EPHB2: variants seen among roughly 807,000 people sequenced by gnomAD.
EPHB2 encodes the protein EPH receptor B2, also known as ephrin type-B receptor 2.
EPHB2 carries 18 observed loss-of-function variants against 96.4 expected under a neutral mutation model. That is an observed-to-expected ratio of 0.19 (90% CI 0.13 to 0.28). The LOEUF (loss-of-function observed/expected upper bound fraction) is 0.28. EPHB2 is among the 10% of genes least tolerant of loss of function. The probability of loss-of-function intolerance (pLI) is 1.00; values close to 1 mark genes in which losing one functional copy is unlikely to be tolerated. For missense variants in EPHB2, 989 were observed against 1,355.4 expected (o/e 0.73, Z 4.25); for synonymous variants, 506 against 534.1 (o/e 0.95, Z 0.72).
At chr1:22,910,992 A>T (rs1041831707) in intron 14 of EPHB2, among the ~76,000 whole-genome samples, 2 of 152,080 alleles carry the variant, frequency 1.3e-5, no homozygotes, top group African/African-American at 4.8e-5. Context: ...TATAAAAATT[A>T]GCCAGCCCCT....
At chr1:22,838,670 T>A in intron 3 of EPHB2, among the ~76,000 whole-genome samples, 1 of 152,192 alleles carries the variant, frequency 6.6e-6, no homozygotes, top group Non-Finnish European at 1.5e-5. Flanking sequence ...GGCTCACGCC[T>A]GTAATCCCAG....
At chr1:22,873,418 G>A (rs755737141) in intron 5 of EPHB2, among the ~76,000 whole-genome samples, 1 of 152,188 alleles carries the variant, frequency 6.6e-6, no homozygotes, top group South Asian at 2.1e-4. Flanking sequence ...AAGGCAGCAG[G>A]CAGACACTCG....
chr1:22,783,038 C>T (rs1288433147), intron 2 of EPHB2, among the ~76,000 whole-genome samples: 1 of 152,144 alleles, frequency 6.6e-6, no homozygotes, highest in Non-Finnish European at 1.5e-5. Flanking sequence ...ACTGGAGGCC[C>T]AGGAGGGAGA....
chr1:22,915,998 AG>A lies in EPHB2; in HGVS notation c.*2431del, dbSNP rs1640256517. On this transcript the variant is annotated 3_prime_UTR_variant, in exon 16 of 16. Coordinates refer to ENST00000374630, the MANE Select transcript of EPHB2 (RefSeq NM_017449.5). ...CCTGTTCCGGGAGCCTGAGCTGCAA[AG>A]GGAAGGAAGGGATTAGAGAGAAGTG... is the stretch of plus-strand genomic sequence containing the variant. 6.6e-6 allele frequency: 1 copy of A among 152,406 alleles called. No homozygotes were observed. Among genetic ancestry groups the A allele is most frequent in the African/African-American group, 2.4e-5 (1 of 41,458 alleles). The allele number at this position is 152,406 out of a possible 1,614,324, so 9.4% of individuals were successfully genotyped here.
intron 7 of EPHB2, among the ~76,000 whole-genome samples, chr1:22,894,552 G>A (rs113457098): frequency 0.016 from 2,457 of 151,048 alleles, 60 homozygotes; most frequent in African/African-American, 0.056. Flanking sequence ...AGCCGAGATC[G>A]TGCCATTTCA....
intron 2 of EPHB2, among the ~76,000 whole-genome samples, chr1:22,781,792 C>T (rs150433741): frequency 7.9e-5 from 12 of 152,242 alleles, no homozygotes; most frequent in South Asian, 6.2e-4. Context: ...AGTGAACTGT[C>T]GTTTCCTGAG....
chr1:22,760,994 T>C (rs2148394422), intron 1 of EPHB2, among the ~76,000 whole-genome samples: 1 of 152,312 alleles, frequency 6.6e-6, no homozygotes, highest in South Asian at 2.1e-4. Context: ...AGCCAGGTGA[T>C]GCCAGCTGTC....
intron 3 of EPHB2, among the ~76,000 whole-genome samples, chr1:22,814,124 C>T (rs546517410): frequency 1.3e-5 from 2 of 152,064 alleles, no homozygotes; most frequent in Admixed American, 6.5e-5. Context: ...GAGCCGAGAT[C>T]GCGCCATTGC....
chr1:22,767,503 A>G (rs976950641), intron 1 of EPHB2, among the ~76,000 whole-genome samples: 2 of 152,188 alleles, frequency 1.3e-5, no homozygotes, highest in African/African-American at 4.8e-5. Context: ...AATGGGGACA[A>G]TGATCCATCC....
intron 3 of EPHB2, among the ~76,000 whole-genome samples, chr1:22,853,068 C>T (rs537895558): frequency 2.6e-5 from 4 of 152,306 alleles, no homozygotes; most frequent in African/African-American, 7.2e-5. Flanking sequence ...TTCCGCCTTT[C>T]GGCCGGGCAC....
intron 1 of EPHB2, among the ~76,000 whole-genome samples, chr1:22,763,489 G>GT (rs905803789): frequency 1.3e-5 from 2 of 152,006 alleles, no homozygotes; most frequent in African/African-American, 4.8e-5. Flanking sequence ...TGGAGGTGGG[G>GT]TGGCTCCCCT....
At chr1:22,807,899 C>T (rs1396313979) in intron 3 of EPHB2, among the ~76,000 whole-genome samples, 1 of 152,122 alleles carries the variant, frequency 6.6e-6, no homozygotes, top group East Asian at 1.9e-4. Flanking sequence ...TTTAGGAGGC[C>T]GAGGCAGGCG....
chr1:22,856,837 G>A (rs1645706883), intron 3 of EPHB2, among the ~76,000 whole-genome samples: 1 of 152,216 alleles, frequency 6.6e-6, no homozygotes, highest in Non-Finnish European at 1.5e-5. Flanking sequence ...CATGCTGGAT[G>A]AGTAATAATA....
chr1:22,859,303 G>GA (rs1557717565), intron 3 of EPHB2, among the ~76,000 whole-genome samples: 2 of 150,740 alleles, frequency 1.3e-5, no homozygotes, highest in Non-Finnish European at 3.0e-5. Context: ...CTGGTGGGGG[G>GA]GGGGGTATTG....
intron 1 of EPHB2, among the ~76,000 whole-genome samples, chr1:22,760,285 T>C (rs1231202636): frequency 6.6e-6 from 1 of 151,980 alleles, no homozygotes; most frequent in Non-Finnish European, 1.5e-5. Flanking sequence ...AAAAATGACC[T>C]TGTAGCCAGG....
intron 3 of EPHB2, 42 bp from the exon 4 acceptor site, chr1:22,862,995 T>A (rs757592405): frequency 6.2e-7 from 1 of 1,613,704 alleles, no homozygotes. Context: ...TCTCTGAGTC[T>A]TCATCCAGTT....
At chr1:22,766,333 T>C (rs1383867146) in intron 1 of EPHB2, among the ~76,000 whole-genome samples, 1 of 152,168 alleles carries the variant, frequency 6.6e-6, no homozygotes, top group Non-Finnish European at 1.5e-5. Context: ...GAGCACCTAG[T>C]AGGTACTCAA....
intron 2 of EPHB2, among the ~76,000 whole-genome samples, chr1:22,781,697 A>G (rs1361109677): frequency 6.6e-6 from 1 of 151,164 alleles, no homozygotes; most frequent in Non-Finnish European, 1.5e-5. Context: ...AACAGGCTGG[A>G]TGCTTTCAGC....
intron 3 of EPHB2, among the ~76,000 whole-genome samples, chr1:22,839,744 T>C (rs1042498881): frequency 1.1e-4 from 16 of 152,084 alleles, no homozygotes; most frequent in African/African-American, 3.6e-4. Context: ...GAAGGCATCG[T>C]AGCAGGGCCA....
Sources: allele counts gnomAD v4.1 joint callset (sites outside exome capture counted in the v4.1 genomes callset), GRCh38; gene constraint gnomAD v4.1.1; transcripts MANE v1.5; gene names NCBI Gene and HGNC (gene_info 2026-07-23, HGNC 2026-07-21).